The following DGLUCY variants were observed in gnomAD, a reference collection of about 807,000 sequenced individuals.
DGLUCY encodes the protein D-glutamate cyclase, also known as D-glutamate cyclase, mitochondrial.
Under a neutral mutation model 58.5 loss-of-function variants are expected in DGLUCY, and 58 were observed. The observed-to-expected ratio is 0.99, with a 90% CI of 0.80 to 1.23. The LOEUF is 1.23. Ranked by LOEUF, DGLUCY falls within the 50% of genes most tolerant of loss-of-function variation. The pLI, the probability that DGLUCY is intolerant of heterozygous loss-of-function variation, is 0.00. For synonymous variants in DGLUCY, 325 were observed against 314.1 expected, an observed-to-expected ratio of 1.03 and a Z score of -0.37; for missense variants, 779 against 784.7, an observed-to-expected ratio of 0.99 and a Z score of 0.09.
intron 6 of DGLUCY, among the ~76,000 whole-genome samples, chr14:91,174,695 A>ACTTT (rs1267114824): frequency 3.9e-5 from 6 of 152,194 alleles, no homozygotes; most frequent in African/African-American, 1.4e-4. Flanking sequence ...AAACTCAAAG[A>ACTTT]GTTTGGGTAT....
At chr14:91,167,576 T>G in intron 4 of DGLUCY, 198 bp downstream of exon 4, 1 of 746,074 alleles carries the variant, frequency 1.3e-6, no homozygotes, top group Non-Finnish European at 2.4e-6. Flanking sequence ...ACCTGGCGCC[T>G]GTCCTGGCTG....
chr14:91,177,824 A>G (rs2048946930), intron 7 of DGLUCY, among the ~76,000 whole-genome samples: 2 of 152,212 alleles, frequency 1.3e-5, no homozygotes, highest in South Asian at 4.1e-4. Flanking sequence ...ATTTAAGTGC[A>G]TGTGTTGAGA....
intron 1 of DGLUCY, among the ~76,000 whole-genome samples, chr14:91,140,628 G>A (rs1204370931): frequency 2.6e-5 from 4 of 152,086 alleles, no homozygotes; most frequent in Non-Finnish European, 2.9e-5. Flanking sequence ...CCTAGATCAC[G>A]CCATTGCACT....
At chr14:91,143,986 C>G (rs1309282960) in intron 1 of DGLUCY, among the ~76,000 whole-genome samples, 1 of 152,220 alleles carries the variant, frequency 6.6e-6, no homozygotes, top group Non-Finnish European at 1.5e-5. Context: ...AGGGCCACCG[C>G]TCTCTGCATT....
At chr14:91,068,077 A>ATG (rs1566928129) in intron 1 of DGLUCY, among the ~76,000 whole-genome samples, 8 of 84,554 alleles carry the variant, frequency 9.5e-5, no homozygotes, top group South Asian at 3.6e-4. Context: ...ACACACGCGC[A>ATG]CGCACACACA....
At chr14:91,188,085 C>T (rs1042626781) in intron 8 of DGLUCY, among the ~76,000 whole-genome samples, 1 of 152,100 alleles carries the variant, frequency 6.6e-6, no homozygotes, top group African/African-American at 2.4e-5. Context: ...GAAGTGTGTT[C>T]CTCTCTCACA....
At chr14:91,196,534 C>T (rs2050225627) in intron 10 of DGLUCY, 60 bp downstream of exon 10, 2 of 1,403,366 alleles carry the variant, frequency 1.4e-6, no homozygotes, top group Non-Finnish European at 1.0e-6. Context: ...ATGCTCTTCA[C>T]TTAGCCAACA....
At chr14:91,211,231 C>T (rs956373840) in intron 12 of DGLUCY, among the ~76,000 whole-genome samples, 10 of 152,076 alleles carry the variant, frequency 6.6e-5, no homozygotes, top group Admixed American at 2.6e-4. Flanking sequence ...TAAGAAGACT[C>T]GATATTGTCA....
chr14:91,112,142 G>A (rs184750235), upstream of DGLUCY, among the ~76,000 whole-genome samples: 92 of 151,922 alleles, frequency 6.1e-4, no homozygotes, highest in African/African-American at 2.1e-3. Context: ...TCAGCTACTC[G>A]GGAGGCTGAG....
chr14:91,085,962 A>G (rs2044210105), intron 1 of DGLUCY, among the ~76,000 whole-genome samples: 1 of 152,178 alleles, frequency 6.6e-6, no homozygotes, highest in Non-Finnish European at 1.5e-5. Context: ...GGGCTGCACA[A>G]CAGGAGGTGA....
intron 6 of DGLUCY, among the ~76,000 whole-genome samples, chr14:91,174,801 T>C (rs2048767398): frequency 6.6e-6 from 1 of 152,064 alleles, no homozygotes; most frequent in Non-Finnish European, 1.5e-5. Context: ...GGGGTGGCCT[T>C]GGGGACTGAG....
At chr14:91,203,880 T>C (rs922651648) in intron 11 of DGLUCY, among the ~76,000 whole-genome samples, 4 of 152,182 alleles carry the variant, frequency 2.6e-5, no homozygotes, top group African/African-American at 9.6e-5. Flanking sequence ...TTTTGCCATA[T>C]TGGCCAGACT....
intron 7 of DGLUCY, among the ~76,000 whole-genome samples, chr14:91,178,072 A>G (rs1311534368): frequency 6.6e-6 from 1 of 152,194 alleles, no homozygotes; most frequent in Non-Finnish European, 1.5e-5. Flanking sequence ...CCAGCATGGC[A>G]TGTTCCAGTC....
chr14:91,072,303 A>G (rs1041403410), intron 1 of DGLUCY, among the ~76,000 whole-genome samples: 1 of 150,668 alleles, frequency 6.6e-6, no homozygotes, highest in Non-Finnish European at 1.5e-5. Flanking sequence ...CAGCGTGAGC[A>G]ACAGAATGAG....
chr14:91,095,770 G>A (rs1268602907), intron 1 of DGLUCY, among the ~76,000 whole-genome samples: 1 of 152,036 alleles, frequency 6.6e-6, no homozygotes, highest in Non-Finnish European at 1.5e-5. Context: ...GGTACTCTCC[G>A]TTGGCCCACC....
intron 1 of DGLUCY, among the ~76,000 whole-genome samples, chr14:91,136,338 G>A (rs2046335572): frequency 6.6e-6 from 1 of 152,052 alleles, no homozygotes; most frequent in South Asian, 2.1e-4. Flanking sequence ...CAAGAGAAAA[G>A]CATAACAGAT....
At chr14:91,207,051 G>C (rs536158703) in intron 12 of DGLUCY, among the ~76,000 whole-genome samples, 24 of 150,512 alleles carry the variant, frequency 1.6e-4, no homozygotes, top group Admixed American at 1.3e-4. Flanking sequence ...CTGGCTACGT[G>C]GGGGGGCTGA....
chr14:91,124,895 A>G (rs922495456), intron 1 of DGLUCY, among the ~76,000 whole-genome samples: 1 of 152,256 alleles, frequency 6.6e-6, no homozygotes, highest in Non-Finnish European at 1.5e-5. Flanking sequence ...TTTAGCCTGA[A>G]TATTTGCCCT....
exon 1 of DGLUCY, chr14:91,060,527 G>C: frequency 8.1e-7 from 1 of 1,232,438 alleles, no homozygotes; most frequent in South Asian, 3.5e-5. Flanking sequence ...CGCGGCCCCA[G>C]GAGTCGGGGT....
Sources: gnomAD v4.1 joint callset for allele counts (sites outside exome capture counted in the v4.1 genomes callset) on GRCh38, gnomAD v4.1.1 for gene constraint, MANE v1.5 for transcripts, NCBI Gene and HGNC (gene_info 2026-07-23, HGNC 2026-07-21) for gene names.